Variants in SMARCD3 observed in about 807,000 individuals in gnomAD.
SMARCD3 encodes the protein SWI/SNF related BAF chromatin remodeling complex subunit D3, also known as SWI/SNF-related matrix-associated actin-dependent regulator of chromatin subfamily D member 3.
SMARCD3 carries 14 observed loss-of-function variants against 58.0 expected under a neutral mutation model. That is an observed-to-expected ratio of 0.24 (90% confidence interval 0.16 to 0.38). The LOEUF is 0.38. Ranked by LOEUF, SMARCD3 falls within the 10% of genes least tolerant of loss-of-function variation. SMARCD3 has a pLI of 1.00. For synonymous variants in SMARCD3, 253 were observed against 253.8 expected, an observed-to-expected ratio of 1.00 and a Z score of 0.03; for missense variants, 408 against 636.9, an observed-to-expected ratio of 0.64 and a Z score of 3.87.
chr7:151,240,196 C>T lies in SMARCD3; in HGVS notation c.1089G>A (p.Glu363=), dbSNP rs1007476985. ...TCTGCCCCTTTAATGGCTCCTCCAC[C>T]TCCACGTCAATGTCATAGCACGCCG... ...KKTACYDIDV[E]VEEPLKGQMS... Residue 363 remains glutamate (E), a synonymous_variant, in exon 10 of 13, where the codon GAG becomes GAA. Coordinates refer to ENST00000262188, the MANE Select transcript of SMARCD3 (RefSeq NM_001003801.2). The T allele has an allele frequency of 1.2e-5, 19 of 1,614,034 alleles. No individual in the cohort carries two copies. The highest frequency in any genetic ancestry group is 2.2e-5 in the East Asian group (1 of 44,876).
Position 151,242,826 on chromosome 7 carries a change from G to C in SMARCD3, c.351C>G (p.Pro117=), listed in dbSNP as rs61730149. The change falls in exon 4 of 13, where the codon CCC becomes CCG. Residue 117 remains proline, a synonymous_variant. Coordinates refer to ENST00000262188, the MANE Select transcript of SMARCD3 (RefSeq NM_001003801.2). This position sits in a 1 kb window ranked among gnomAD's most constrained non-coding sequence, Gnocchi z 4.7. ...ILPQRIRELV[P]ESQAYMDLLA... is the part of the protein sequence containing the mutation. Reference sequence around the variant, plus strand: ...AGAGGTCCATGTAAGCCTGGGACTCGGGGACCAGCTCCCGAATCTGGAGAA... The same window carrying C: ...AGAGGTCCATGTAAGCCTGGGACTCCGGGACCAGCTCCCGAATCTGGAGAA... 1 of 1,614,088 alleles carries C rather than the reference G, an allele frequency of 6.2e-7. No homozygotes were observed. The highest frequency in any genetic ancestry group is 1.1e-5 in the South Asian group (1 of 91,076).
intron 1 of SMARCD3, chr7:151,275,261 G>C (rs967989294): frequency 1.1e-6 from 1 of 942,350 alleles, no homozygotes; most frequent in African/African-American, 1.6e-5. Context: ...TCTGAAAGGA[G>C]AGGTCAGACC....
In SMARCD3 at chr7:151,239,058, C is replaced by T. The variant is rs762144139; in HGVS notation, c.*45G>A. The T allele has an allele frequency of 2.7e-5, 43 of 1,600,208 alleles. No homozygotes were observed. The highest frequency in any genetic ancestry group is 7.7e-5 in the South Asian group (7 of 90,814). On this transcript the variant is annotated 3_prime_UTR_variant, in exon 13 of 13. Coordinates refer to ENST00000262188, the MANE Select transcript of SMARCD3 (RefSeq NM_001003801.2). This position sits in a 1 kb window ranked among gnomAD's most constrained non-coding sequence, Gnocchi z 7.0. ...GAGCCCGGGGCAAAATGCTGGGGCC[C>T]GGGACACGGCTGAAAGTTCCGTCGT...
chr7:151,272,797 T>C (rs1795221413), intron 2 of SMARCD3, among the ~76,000 whole-genome samples: 1 of 152,172 alleles, frequency 6.6e-6, no homozygotes, highest in African/African-American at 2.4e-5. Context: ...CAATGGTCCC[T>C]ACAAGATGTC....
intron 2 of SMARCD3, among the ~76,000 whole-genome samples, chr7:151,271,776 C>A (rs964815153): frequency 6.6e-6 from 1 of 151,746 alleles, no homozygotes; most frequent in African/African-American, 2.4e-5. Context: ...TATAGTGAGA[C>A]CTCATCTCTA....
chr7:151,251,241 T>TC (rs1803499417), upstream of SMARCD3, among the ~76,000 whole-genome samples: 1 of 151,758 alleles, frequency 6.6e-6, no homozygotes, highest in East Asian at 1.9e-4. Context: ...ACATAAGCGC[T>TC]CTCCTGAGCC....
intron 2 of SMARCD3, among the ~76,000 whole-genome samples, chr7:151,255,743 C>T (rs947470611): frequency 2.0e-5 from 3 of 152,090 alleles, no homozygotes; most frequent in Non-Finnish European, 4.4e-5. Flanking sequence ...CCAAATCCTG[C>T]GACTCCTCTG....
At chr7:151,270,705 C>A (rs1187508556) in intron 2 of SMARCD3, among the ~76,000 whole-genome samples, 1 of 152,140 alleles carries the variant, frequency 6.6e-6, no homozygotes, top group Admixed American at 6.6e-5. Flanking sequence ...TGAGTGAGGG[C>A]ACGAGAATGA....
Position 151,254,141 on chromosome 7 carries a change from C to G in SMARCD3, c.40-8470G>C, listed in dbSNP as rs374549488. On this transcript the variant is annotated intron_variant, in intron 2 of 13. Transcript: ENST00000356800. The stretch of plus-strand genomic sequence containing the variant: ...AGCCATCTCTGGCTCCACTGGCCTC[C>G]TGGTTAACAGGCAGCCAGGGCTGGG... Among the ~76,000 whole-genome samples the G allele has an allele frequency of 9.8e-5, 15 of 152,322 alleles. No homozygotes were observed. In the East Asian group the frequency reaches 2.9e-3, roughly 29 times the overall value.
intron 2 of SMARCD3, among the ~76,000 whole-genome samples, chr7:151,260,866 C>T (rs1322386482): frequency 6.6e-6 from 1 of 152,166 alleles, no homozygotes; most frequent in Non-Finnish European, 1.5e-5. Flanking sequence ...ACCAGGCAAA[C>T]GTAAGTGGGA....
chr7:151,239,820 G>T lies in SMARCD3; in HGVS notation c.1174-74C>A. On this transcript the variant is annotated intron_variant, in intron 10 of 12. Transcript: ENST00000262188. The surrounding 1 kb of genome is among the most constrained non-coding windows in gnomAD (Gnocchi z 7.0). ...AGACGAGGGGAAAGGAAGCGGGTGG[G>T]AAGGGGAGGGAGAGGGGGTTTCTTC... The T allele has an allele frequency of 8.1e-6, 11 of 1,351,346 alleles. No individual in the cohort carries two copies. The highest frequency in any genetic ancestry group is 1.4e-5 in the African/African-American group (1 of 69,618). The allele number at this position is 1,351,346 out of a possible 1,614,324, so 83.7% of individuals were successfully genotyped here. A position where few individuals can be genotyped will look rare whatever the true frequency, so the allele number is the denominator to read the frequency against.
upstream of SMARCD3, among the ~76,000 whole-genome samples, chr7:151,252,427 G>A (rs1019223876): frequency 3.2e-5 from 4 of 126,136 alleles, no homozygotes; most frequent in African/African-American, 1.1e-4. Flanking sequence ...GTGAGTGTGT[G>A]TGTGTGTGTG....
chr7:151,268,929 G>C (rs549750689), intron 2 of SMARCD3, among the ~76,000 whole-genome samples: 5 of 152,244 alleles, frequency 3.3e-5, no homozygotes, highest in Non-Finnish European at 7.4e-5. Flanking sequence ...AGTTCTCAAA[G>C]CCCACAATGA....
rs1199623971 is a variant in SMARCD3, at chr7:151,246,395, T to C, written c.79-724A>G. Among the ~76,000 whole-genome samples, 1 of 151,872 alleles carries C rather than the reference T, an allele frequency of 6.6e-6. No homozygotes were observed. Among genetic ancestry groups the C allele is most frequent in the African/African-American group, 2.4e-5 (1 of 41,368 alleles). ...GTCTTCGCTGACCAAGCTGCCCCCA[T>C]AATTTGCTCCCAGGGTGAGGGCTGG... On this transcript the variant is annotated intron_variant, in intron 1 of 12. Coordinates refer to ENST00000262188, the MANE Select transcript of SMARCD3 (RefSeq NM_001003801.2). This position sits in a 1 kb window ranked among gnomAD's most constrained non-coding sequence, Gnocchi z 4.4.
upstream of SMARCD3, among the ~76,000 whole-genome samples, chr7:151,252,420 A>AGTGT (rs544394645): frequency 0.065 from 8,810 of 134,918 alleles, 308 homozygotes; most frequent in East Asian, 0.16. Flanking sequence ...GGCCTGAGTG[A>AGTGT]GTGTGTGTGT....
chr7:151,249,451 G>A (rs1444854154), upstream of SMARCD3: 3 of 152,286 alleles, frequency 2.0e-5, no homozygotes, highest in African/African-American at 4.8e-5. The surrounding 1 kb of genome is among the most constrained non-coding windows in gnomAD (Gnocchi z 4.8). Context: ...CTCTGTGAGA[G>A]GCTATTTCTG....
chr7:151,276,996 G>C (rs1322854744), upstream of SMARCD3: 2 of 150,026 alleles, frequency 1.3e-5, no homozygotes, highest in South Asian at 2.1e-4. Context: ...GCCAGGCAGG[G>C]AAGGCGGGGG....
chr7:151,268,571 C>T (rs1795066094), intron 2 of SMARCD3, among the ~76,000 whole-genome samples: 1 of 151,966 alleles, frequency 6.6e-6, no homozygotes, highest in Non-Finnish European at 1.5e-5. Flanking sequence ...TCTGTGAGGG[C>T]CCCTGAGGTT....
Position 151,242,859 on chromosome 7 carries a change from C to G in SMARCD3, c.334-16G>C, listed in dbSNP as rs2150592511. The G allele has an allele frequency of 3.7e-6, 6 of 1,613,784 alleles. No individual in the cohort carries two copies. The East Asian group carries it at 1.3e-4, about 36-fold the overall frequency. On this transcript the variant is annotated splice_polypyrimidine_tract_variant and intron_variant, in intron 3 of 12. Transcript: ENST00000262188. The surrounding 1 kb of genome is among the most constrained non-coding windows in gnomAD (Gnocchi z 4.7). ...GCTCCCGAATCTGGAGAAGGAGGAG[C>G]AGGGCAGGAGTCAGAGGCTCAAGTC...
Sources: allele counts gnomAD v4.1 joint callset (sites outside exome capture counted in the v4.1 genomes callset), GRCh38; gene constraint gnomAD v4.1.1; non-coding constraint Gnocchi (gnomAD v3.1); transcripts MANE v1.5; gene names NCBI Gene and HGNC (gene_info 2026-07-23, HGNC 2026-07-21).